Variants in MED11 observed in about 807,000 individuals in gnomAD.
MED11 encodes mediator complex subunit 11.
A neutral mutation model predicts 13.9 loss-of-function variants in MED11; 19 were observed. That is an observed-to-expected ratio of 1.36 (90% CI 0.95 to 2.00). MED11 has a LOEUF of 2.00. Among genes scored for constraint, MED11 ranks in the 30% most tolerant of loss-of-function variants. MED11 has a pLI of 0.00. For synonymous variants in MED11, 67 were observed against 62.1 expected (o/e 1.08, Z -0.37); for missense variants, 134 against 150.2 (o/e 0.89, Z 0.56).
At chr17:4,731,709 G>T in intron 1 of MED11, 67 bp from the exon 2 acceptor site, 2 of 1,606,446 alleles carry the variant, frequency 1.2e-6, no homozygotes, top group Non-Finnish European at 1.7e-6. Context: ...GGACTGAGAG[G>T]GGCTGGCCTA....
chr17:4,731,667 G>A (rs1915980880), intron 1 of MED11, 93 bp downstream of exon 1: 2 of 1,607,772 alleles, frequency 1.2e-6, no homozygotes, highest in Non-Finnish European at 1.7e-6. Flanking sequence ...GGTTGGGGAG[G>A]GAATCCTACG....
chr17:4,731,602 G>A, intron 1 of MED11, 28 bp downstream of exon 1: 4 of 1,613,760 alleles, frequency 2.5e-6, no homozygotes, highest in Non-Finnish European at 3.4e-6. Context: ...CTGGACAGCG[G>A]GGAGCGAAAG....
At position 4,732,420 on chromosome 17, in the gene MED11, C is replaced by CA. The variant is rs58128934; in HGVS notation, c.216+527dup. On this transcript the variant is annotated intron_variant, in intron 2 of 2. Transcript: ENST00000293777. ...CCTGGGTGACAAAGCAAGACTGTCT[C>CA]AAAAAAAAAAAAAGCCGGGCTTGGT... is the stretch of plus-strand genomic sequence containing the variant. 7.8e-4 allele frequency: 46 copies of CA among 58,968 alleles called. 5 individuals are homozygous for CA. The highest frequency in any genetic ancestry group is 2.9e-3 in the South Asian group (5 of 1,696). The allele number at this position is 58,968 out of a possible 1,614,324, so 3.7% of individuals were successfully genotyped here. A position where few individuals can be genotyped will look rare whatever the true frequency, so the allele number is the denominator to read the frequency against.
chr17:4,733,278 C>A lies in MED11; in HGVS notation c.*91C>A, dbSNP rs926562342. 5 of 1,483,824 alleles carry A rather than the reference C, an allele frequency of 3.4e-6. No individual in the cohort carries two copies. The highest frequency in any genetic ancestry group is 4.6e-6 in the Non-Finnish European group (5 of 1,090,542). 91.9% of individuals were successfully genotyped at this position (1,483,824 alleles called of 1,614,324 possible). ...ACATGTAGGGTGGGGAGTATGAGCA[C>A]CAACATACCCTGCTGGTCAAAGTAC... On this transcript the variant is annotated 3_prime_UTR_variant, in exon 3 of 3. Transcript: ENST00000293777.
At position 4,731,590 on chromosome 17, in the gene MED11, A is replaced by C. The variant is rs201274887; in HGVS notation, c.85+16A>C. 30 of 1,613,970 alleles carry C rather than the reference A, an allele frequency of 1.9e-5. No homozygotes were observed. Among genetic ancestry groups the C allele is most frequent in the Non-Finnish European group, 2.3e-5 (27 of 1,179,954 alleles). ...CAGAATGCAGGTTCGGGATGCGACA[A>C]CCTGGACAGCGGGGAGCGAAAGCGT... On this transcript the variant is annotated intron_variant, in intron 1 of 2. Transcript: ENST00000293777.
rs778667904 is a variant in MED11, at chr17:4,733,031, T to C, written c.217-19T>C. On this transcript the variant is annotated intron_variant, in intron 2 of 2. Coordinates refer to ENST00000293777, the MANE Select transcript of MED11 (RefSeq NM_001001683.4). ...TTAGGGTAAAGGAGATGGTGCTCCA[T>C]TGATAGTCTGTCTTGTAGGTGGCCA... 3.1e-6 allele frequency: 5 copies of C among 1,613,508 alleles called. No homozygotes were observed. The highest frequency in any genetic ancestry group is 4.2e-6 in the Non-Finnish European group (5 of 1,179,628).
intron 2 of MED11, chr17:4,732,117 G>A: frequency 1.9e-6 from 1 of 538,546 alleles, no homozygotes; most frequent in Non-Finnish European, 3.2e-6. Flanking sequence ...GTGAAACCTC[G>A]TCTCTACTAA....
chr17:4,733,303 C>G lies in MED11; in HGVS notation c.*116C>G. ...CCAACATACCCTGCTGGTCAAAGTACCCTAGGACAAAGGGGCAAATGGTGG... is the reference window on the plus strand; with the variant it reads ...CCAACATACCCTGCTGGTCAAAGTAGCCTAGGACAAAGGGGCAAATGGTGG... On this transcript the variant is annotated 3_prime_UTR_variant, in exon 3 of 3. Transcript: ENST00000293777. The G allele has an allele frequency of 7.5e-7, 1 of 1,328,938 alleles. No homozygotes were observed. Among genetic ancestry groups the G allele is most frequent in the Non-Finnish European group, 1.0e-6 (1 of 976,842 alleles). The allele number at this position is 1,328,938 out of a possible 1,614,324, so 82.3% of individuals were successfully genotyped here. A position where few individuals can be genotyped will look rare whatever the true frequency, so the allele number is the denominator to read the frequency against.
At position 4,731,530 on chromosome 17, in the gene MED11, T is replaced by C; in HGVS notation, c.41T>C (p.Leu14Pro). The change falls in exon 1 of 3, where the codon CTG (leucine) becomes CCG (proline). Residue 14 changes from leucine (L) to proline (P), a missense_variant. Coordinates refer to ENST00000293777, the MANE Select transcript of MED11 (RefSeq NM_001001683.4). ...YSLANERLRA[L>P]EDIEREIGAI... Reference sequence around the variant, plus strand: ...CTGGCGAACGAGAGACTACGCGCTCTGGAAGACATTGAACGGGAAATCGGC... The same window carrying C: ...CTGGCGAACGAGAGACTACGCGCTCCGGAAGACATTGAACGGGAAATCGGC... 1 of 1,614,158 alleles carries C rather than the reference T, an allele frequency of 6.2e-7. No individual in the cohort carries two copies.
rs1567692823 is a variant in MED11 at position 4,731,480 on chromosome 17, CAG to C, written c.-7_-6del. 5 of 1,613,390 alleles carry C rather than the reference CAG, an allele frequency of 3.1e-6. No individual in the cohort carries two copies. The highest frequency in any genetic ancestry group is 4.2e-6 in the Non-Finnish European group (5 of 1,179,552). On this transcript the variant is annotated 5_prime_UTR_variant, in exon 1 of 3. Transcript: ENST00000293777. Reference sequence around the variant, plus strand: ...AGGAGAAACTCTTGGTGAGAATTCCCAGAGTGATAATGGCTACCTACAGCCTG... The same window carrying C: ...AGGAGAAACTCTTGGTGAGAATTCCCAGTGATAATGGCTACCTACAGCCTG...
In MED11 at chr17:4,733,233, C is replaced by A; in HGVS notation, c.*46C>A. 1 of 1,610,346 alleles carries A rather than the reference C, an allele frequency of 6.2e-7. No homozygotes were observed. The highest frequency in any genetic ancestry group is 1.1e-5 in the South Asian group (1 of 90,518). ...GCTGAGAGGGAGACCATCACCTGTG[C>A]CATGGGACAGAACCTGGGAACATGT... On this transcript the variant is annotated 3_prime_UTR_variant, in exon 3 of 3. Coordinates refer to ENST00000293777, the MANE Select transcript of MED11 (RefSeq NM_001001683.4).
rs375146327 is a variant in MED11, at chr17:4,733,062, C to T, written c.229C>T (p.Gln77Ter). 27 of 1,614,042 alleles carry T rather than the reference C, an allele frequency of 1.7e-5. No individual in the cohort carries two copies. The East Asian group carries it at 3.6e-4, about 21-fold the overall frequency. ...GTCTGTCTTGTAGGTGGCCACAGGG[C>T]AGCCCCATGAGGGCTCCAGCTACTC... ...IRYLTQVATGQPHEGSSYSSR... is the reference protein window; with the variant it reads ...IRYLTQVATG The change falls in exon 3 of 3, where the codon CAG (glutamine) becomes TAG (stop). Residue 77 changes from glutamine to a stop codon, truncating the protein, a stop_gained. Transcript: ENST00000293777. LOFTEE classifies it high-confidence loss of function.
Position 4,733,497 on chromosome 17 carries a change from C to T in MED11, c.*310C>T, listed in dbSNP as rs562539799. The stretch of plus-strand genomic sequence containing the variant: ...CTTCATGCTGCTGCCCCAGCCTTCC[C>T]GCAGACTTGGCCTAATGAAAATACA... On this transcript the variant is annotated 3_prime_UTR_variant, in exon 3 of 3. Coordinates refer to ENST00000293777, the MANE Select transcript of MED11 (RefSeq NM_001001683.4). The T allele has an allele frequency of 3.3e-5, 9 of 271,140 alleles. No homozygotes were observed. Among genetic ancestry groups the T allele is most frequent in the Admixed American group, 2.0e-4 (4 of 19,678 alleles). The allele number at this position is 271,140 out of a possible 1,614,324, so 16.8% of individuals were successfully genotyped here. A position where few individuals can be genotyped will look rare whatever the true frequency, so the allele number is the denominator to read the frequency against.
chr17:4,731,918 T>TG lies in MED11; in HGVS notation c.216+18dup. 1.2e-6 allele frequency: 2 copies of TG among 1,609,502 alleles called. No individual in the cohort carries two copies. The highest frequency in any genetic ancestry group is 8.5e-7 in the Non-Finnish European group (1 of 1,177,052). The stretch of plus-strand genomic sequence containing the variant: ...GCTACCTCACCCAGGTCGGTGTGTC[T>TG]GGGGGGTTCTGCGAGCGAACCCCAG... On this transcript the variant is annotated intron_variant, in intron 2 of 2. Coordinates refer to ENST00000293777, the MANE Select transcript of MED11 (RefSeq NM_001001683.4).
chr17:4,731,677 G>A lies in MED11; in HGVS notation c.86-99G>A, dbSNP rs369010854. The A allele has an allele frequency of 6.2e-6, 10 of 1,606,542 alleles. No homozygotes were observed. In the African/African-American group the frequency reaches 1.2e-4, roughly 19 times the overall value. The stretch of plus-strand genomic sequence containing the variant: ...AGCAGGGTTGGGGAGGGAATCCTAC[G>A]TGCGTGCGCAGCGAAAGGGCGGGAC... On this transcript the variant is annotated intron_variant, in intron 1 of 2. Transcript: ENST00000293777.
At position 4,733,239 on chromosome 17, in the gene MED11, G is replaced by A; in HGVS notation, c.*52G>A. The stretch of plus-strand genomic sequence containing the variant: ...AGGGAGACCATCACCTGTGCCATGG[G>A]ACAGAACCTGGGAACATGTAGGGTG... On this transcript the variant is annotated 3_prime_UTR_variant, in exon 3 of 3. Coordinates refer to ENST00000293777, the MANE Select transcript of MED11 (RefSeq NM_001001683.4). 1 of 1,607,874 alleles carries A rather than the reference G, an allele frequency of 6.2e-7. No individual in the cohort carries two copies. Among genetic ancestry groups the A allele is most frequent in the South Asian group, 1.1e-5 (1 of 90,252 alleles).
In MED11 at chr17:4,733,201, A is replaced by T; in HGVS notation, c.*14A>T. ...CTGGAGAACTAGGCCAGGGAGATGG[A>T]CCCAGAGCTGAGAGGGAGACCATCA... On this transcript the variant is annotated 3_prime_UTR_variant, in exon 3 of 3. Transcript: ENST00000293777. 1 of 1,613,988 alleles carries T rather than the reference A, an allele frequency of 6.2e-7. No homozygotes were observed. The highest frequency in any genetic ancestry group is 1.3e-5 in the African/African-American group (1 of 75,056).
intron 1 of MED11, 92 bp from the exon 2 acceptor site, chr17:4,731,684 C>A (rs891576454): frequency 6.2e-7 from 1 of 1,605,108 alleles, no homozygotes. Flanking sequence ...TACGTGCGTG[C>A]GCAGCGAAAG....
rs1916016334 is a variant in MED11 at position 4,732,522 on chromosome 17, G to T, written c.217-528G>T. 8 of 158,100 alleles carry T rather than the reference G, an allele frequency of 5.1e-5. No homozygotes were observed. In the South Asian group the frequency reaches 1.3e-3, roughly 27 times the overall value. The allele number at this position is 158,100 out of a possible 1,614,324, so 9.8% of individuals were successfully genotyped here. On this transcript the variant is annotated intron_variant, in intron 2 of 2. Transcript: ENST00000293777. ...TTGAACCCAGGAGGCGGAGGTTGTT[G>T]TACTTAGCCGAGATCATGCCATTGC...
Sources: gnomAD v4.1 joint callset for allele counts on GRCh38, gnomAD v4.1.1 for gene constraint, MANE v1.5 for transcripts, NCBI Gene and HGNC (gene_info 2026-07-23, HGNC 2026-07-21) for gene names.